FEN1: variants seen among roughly 807,000 people sequenced by gnomAD.
FEN1 encodes flap endonuclease 1.
FEN1 carries 19 observed loss-of-function variants against 24.7 expected under a neutral mutation model. The observed-to-expected ratio is 0.77, with a 90% CI of 0.54 to 1.13. The LOEUF (loss-of-function observed/expected upper bound fraction) is 1.13, where lower values mean the gene tolerates loss of function less well. Ranked by LOEUF, FEN1 falls within the 50% of genes most tolerant of loss-of-function variation. The probability of loss-of-function intolerance (pLI) is 0.00; values close to 1 mark genes in which losing one functional copy is unlikely to be tolerated. For synonymous variants in FEN1, 155 were observed against 189.2 expected (o/e 0.82, Z 1.48); for missense variants, 339 against 488.7 (o/e 0.69, Z 2.89).
At chr11:61,793,299 C>T (rs773851746) in intron 1 of FEN1, 1 of 152,664 alleles carries the variant, frequency 6.6e-6, no homozygotes, top group Non-Finnish European at 1.5e-5. Flanking sequence ...GTTTAGGCCC[C>T]TTTCCTGCCT....
Position 61,795,621 on chromosome 11 carries a change from G to A in FEN1, c.260G>A (p.Gly87Asp), listed in dbSNP as rs1447886863. The change falls in exon 2 of 2, where the codon GGC (glycine) becomes GAC (aspartate). Residue 87 changes from glycine to aspartate, a missense_variant. Gly to Asp is a moderately conservative substitution (Grantham distance 94, BLOSUM62 -1). Coordinates refer to ENST00000305885, the MANE Select transcript of FEN1 (RefSeq NM_004111.6). This position sits in a 1 kb window ranked among gnomAD's most constrained non-coding sequence, Gnocchi z 4.1. ...ATCAAGCCCGTGTATGTCTTTGATG[G>A]CAAGCCGCCACAGCTCAAGTCAGGC... ...NGIKPVYVFD[G>D]KPPQLKSGEL... The A allele has an allele frequency of 6.2e-7, 1 of 1,614,030 alleles. No homozygotes were observed. The highest frequency in any genetic ancestry group is 1.7e-5 in the Admixed American group (1 of 60,032).
In FEN1 at chr11:61,796,185, T is replaced by A. The variant is rs2066818432; in HGVS notation, c.824T>A (p.Leu275His). The A allele has an allele frequency of 1.9e-6, 3 of 1,613,754 alleles. No individual in the cohort carries two copies. The highest frequency in any genetic ancestry group is 1.8e-4 in the Middle Eastern group (1 of 5,684). The change falls in exon 2 of 2, where the codon CTC becomes CAC. Residue 275 changes from leucine to histidine, a missense_variant. Around this residue, in one of 3 missense-constraint regions of FEN1, gnomAD observed 70 missense variants for 64.9 expected, o/e 1.08. Coordinates refer to ENST00000305885, the MANE Select transcript of FEN1 (RefSeq NM_004111.6). ...PNKYPVPENWLHKEAHQLFLE... is the reference protein window; with the variant it reads ...PNKYPVPENWHHKEAHQLFLE... ...AAGTACCCTGTGCCAGAAAATTGGC[T>A]CCACAAGGAGGCTCACCAGCTCTTC... is the stretch of plus-strand genomic sequence containing the variant.
intron 1 of FEN1, among the ~76,000 whole-genome samples, chr11:61,793,679 G>C (rs2066804022): frequency 1.3e-5 from 2 of 152,168 alleles, no homozygotes; most frequent in Admixed American, 6.5e-5. Flanking sequence ...ATAATCCAGG[G>C]ATGGACCTGG....
At position 61,796,808 on chromosome 11, in the gene FEN1, G is replaced by C. The variant is rs1420389302; in HGVS notation, c.*304G>C. ...ATAGCAACAAGTTTTGGAGAAGAGA[G>C]AGGGAGATAAAAGGGGGAGACAAAA... On this transcript the variant is annotated 3_prime_UTR_variant, in exon 2 of 2. Transcript: ENST00000305885. 4 of 356,600 alleles carry C rather than the reference G, an allele frequency of 1.1e-5. No individual in the cohort carries two copies. The highest frequency in any genetic ancestry group is 6.4e-5 in the African/African-American group (3 of 46,804). 22.1% of individuals were successfully genotyped at this position (356,600 alleles called of 1,614,324 possible).
chr11:61,796,102 G>A lies in FEN1; in HGVS notation c.741G>A (p.Val247=). 1 of 1,614,214 alleles carries A rather than the reference G, an allele frequency of 6.2e-7. No homozygotes were observed. Among genetic ancestry groups the A allele is most frequent in the Non-Finnish European group, 8.5e-7 (1 of 1,180,040 alleles). ...GGGGTATTGGGCCCAAGCGGGCTGT[G>A]GACCTCATCCAGAAGCACAAGAGCA... is the stretch of plus-strand genomic sequence containing the variant. The part of the protein sequence containing the change: ...SIRGIGPKRA[V]DLIQKHKSIE... The change falls in exon 2 of 2, where the codon GTG becomes GTA. Residue 247 remains valine, a synonymous_variant. Transcript: ENST00000305885.
At chr11:61,794,861 A>G (rs1335873847) in intron 1 of FEN1, among the ~76,000 whole-genome samples, 3 of 152,222 alleles carry the variant, frequency 2.0e-5, no homozygotes, top group African/African-American at 7.2e-5. Context: ...CCATTCAGAT[A>G]TGTTTGCAAT....
intron 1 of FEN1, among the ~76,000 whole-genome samples, chr11:61,794,519 T>G (rs879403225): frequency 2.6e-4 from 40 of 152,158 alleles, no homozygotes; most frequent in Non-Finnish European, 5.1e-4. Flanking sequence ...TCCAGTTTAG[T>G]TTTTTAAAAA....
Position 61,796,497 on chromosome 11 carries a change from GA to G in FEN1, c.1140del (p.Lys380AsnfsTer21), listed in dbSNP as rs1307826248. ...GGGGCAGCAGGGAAGTTTAAAAGGG[GA>G]AAATAAATGTGTTTCCCCATTATAC... ...KTGAAGKFKR[G>X]K is the part of the protein sequence containing the mutation. On this transcript the variant is annotated frameshift_variant, in exon 2 of 2. Coordinates refer to ENST00000305885, the MANE Select transcript of FEN1 (RefSeq NM_004111.6). LOFTEE classifies it high-confidence loss of function. 1 of 1,604,478 alleles carries G rather than the reference GA, an allele frequency of 6.2e-7. No individual in the cohort carries two copies. Among genetic ancestry groups the G allele is most frequent in the Non-Finnish European group, 8.5e-7 (1 of 1,175,334 alleles).
rs975191564 is a variant in FEN1, at chr11:61,792,990, C to G, written c.-60C>G. On this transcript the variant is annotated 5_prime_UTR_variant, in exon 1 of 2. Coordinates refer to ENST00000305885, the MANE Select transcript of FEN1 (RefSeq NM_004111.6). Reference sequence around the variant, plus strand: ...CCGCCTGCCCGGGGCAACCCCGAACCAAGCTTTAGCCGCCGAGGCCGCGTG... The same window carrying G: ...CCGCCTGCCCGGGGCAACCCCGAACGAAGCTTTAGCCGCCGAGGCCGCGTG... 2 of 184,482 alleles carry G rather than the reference C, an allele frequency of 1.1e-5. No individual in the cohort carries two copies. Among genetic ancestry groups the G allele is most frequent in the African/African-American group, 4.8e-5 (2 of 41,960 alleles). 11.4% of individuals were successfully genotyped at this position (184,482 alleles called of 1,614,324 possible).
chr11:61,793,873 T>C (rs572536861), intron 1 of FEN1, among the ~76,000 whole-genome samples: 40 of 152,336 alleles, frequency 2.6e-4, no homozygotes, highest in African/African-American at 9.6e-4. Flanking sequence ...TGAACAGTCA[T>C]TGATGCTCTA....
In FEN1 at chr11:61,795,784, C is replaced by A. The variant is rs529767500; in HGVS notation, c.423C>A (p.Cys141Ter). The part of the protein sequence containing the change: ...VKVTKQHNDE[C>*]KHLLSLMGIP... Reference sequence around the variant, plus strand: ...TCACTAAGCAGCACAATGATGAGTGCAAACATCTGCTGAGCCTCATGGGCA... The same window carrying A: ...TCACTAAGCAGCACAATGATGAGTGAAAACATCTGCTGAGCCTCATGGGCA... The change falls in exon 2 of 2, where the codon TGC (cysteine) becomes TGA (stop). Residue 141 changes from cysteine to a stop codon, truncating the protein, a stop_gained. Coordinates refer to ENST00000305885, the MANE Select transcript of FEN1 (RefSeq NM_004111.6). LOFTEE classifies it high-confidence loss of function. The surrounding 1 kb of genome is among the most constrained non-coding windows in gnomAD (Gnocchi z 4.1). 3.7e-6 allele frequency: 6 copies of A among 1,613,994 alleles called. No homozygotes were observed. In the South Asian group the frequency reaches 6.6e-5, roughly 18 times the overall value.
chr11:61,796,027 G>T lies in FEN1; in HGVS notation c.666G>T (p.Gln222His). 6.2e-7 allele frequency: 1 copy of T among 1,614,236 alleles called. No homozygotes were observed. The highest frequency in any genetic ancestry group is 1.1e-5 in the South Asian group (1 of 91,086). ...ILQELGLNQE[Q>H]FVDLCILLGS... ...AGGAGCTGGGCCTGAACCAGGAACA[G>T]TTTGTGGATCTGTGCATCCTGCTAG... Residue 222 changes from glutamine to histidine, a missense_variant, in exon 2 of 2, where the codon CAG becomes CAT. Physicochemically the swap from Gln to His is conservative, Grantham distance 24. Coordinates refer to ENST00000305885, the MANE Select transcript of FEN1 (RefSeq NM_004111.6).
intron 1 of FEN1, among the ~76,000 whole-genome samples, chr11:61,793,551 C>A (rs571359328): frequency 1.9e-4 from 29 of 152,274 alleles, no homozygotes; most frequent in African/African-American, 6.3e-4. Flanking sequence ...TAATGTCACA[C>A]GGATGGTAAA....
Position 61,795,661 on chromosome 11 carries a change from C to T in FEN1, c.300C>T (p.Arg100=), listed in dbSNP as rs1456577976. 1 of 1,614,038 alleles carries T rather than the reference C, an allele frequency of 6.2e-7. No individual in the cohort carries two copies. Among genetic ancestry groups the T allele is most frequent in the East Asian group, 2.2e-5 (1 of 44,888 alleles). Residue 100 remains arginine (R), a synonymous_variant, in exon 2 of 2, where the codon CGC becomes CGT. Transcript: ENST00000305885. This position sits in a 1 kb window ranked among gnomAD's most constrained non-coding sequence, Gnocchi z 4.1. The part of the protein sequence containing the change: ...PQLKSGELAK[R]SERRAEAEKQ... Reference sequence around the variant, plus strand: ...TCAAGTCAGGCGAGCTGGCCAAACGCAGTGAGCGGCGGGCTGAGGCAGAGA... The same window carrying T: ...TCAAGTCAGGCGAGCTGGCCAAACGTAGTGAGCGGCGGGCTGAGGCAGAGA...
rs963706687 is a variant in FEN1 at position 61,795,202 on chromosome 11, T to A, written c.-21-139T>A. 4.3e-6 allele frequency: 3 copies of A among 696,780 alleles called. No homozygotes were observed. The highest frequency in any genetic ancestry group is 4.6e-6 in the Non-Finnish European group (2 of 439,296). The allele number at this position is 696,780 out of a possible 1,614,324, so 43.2% of individuals were successfully genotyped here. On this transcript the variant is annotated intron_variant, in intron 1 of 1. Transcript: ENST00000305885. The surrounding 1 kb of genome is among the most constrained non-coding windows in gnomAD (Gnocchi z 4.1). ...AGTTTTTTGAGAATGGGGACCTTGTTCATCTTTTTATCTTTAGCAGTGCTG... is the reference window on the plus strand; with the variant it reads ...AGTTTTTTGAGAATGGGGACCTTGTACATCTTTTTATCTTTAGCAGTGCTG...
In FEN1 at chr11:61,795,443, G is replaced by A. The variant is rs752884600; in HGVS notation, c.82G>A (p.Gly28Ser). ...GGAGAATGACATCAAGAGCTACTTT[G>A]GCCGTAAGGTGGCCATTGATGCCTC... ...IRENDIKSYF[G>S]RKVAIDASMS... Residue 28 changes from glycine to serine, a missense_variant, in exon 2 of 2, where the codon GGC (glycine) becomes AGC (serine). Physicochemically the swap from Gly to Ser is moderately conservative, Grantham distance 56. Around this residue, in one of 3 missense-constraint regions of FEN1, gnomAD observed 216 missense variants for 329.7 expected, o/e 0.66. Coordinates refer to ENST00000305885, the MANE Select transcript of FEN1 (RefSeq NM_004111.6). This position sits in a 1 kb window ranked among gnomAD's most constrained non-coding sequence, Gnocchi z 4.1. 7.4e-6 allele frequency: 12 copies of A among 1,614,180 alleles called. No individual in the cohort carries two copies. Among genetic ancestry groups the A allele is most frequent in the Non-Finnish European group, 2.5e-6 (3 of 1,180,034 alleles).
intron 1 of FEN1, among the ~76,000 whole-genome samples, chr11:61,794,668 A>C (rs1233571093): frequency 6.6e-6 from 1 of 152,234 alleles, no homozygotes; most frequent in East Asian, 1.9e-4. Flanking sequence ...ACAGCATGCC[A>C]GACCCCTAAA....
chr11:61,794,228 G>C (rs2066807191), intron 1 of FEN1, among the ~76,000 whole-genome samples: 1 of 152,188 alleles, frequency 6.6e-6, no homozygotes, highest in East Asian at 1.9e-4. Context: ...CTAGGCTGGA[G>C]TGCAGCGGCA....
At chr11:61,793,532 G>T (rs1044868824) in intron 1 of FEN1, among the ~76,000 whole-genome samples, 1 of 152,240 alleles carries the variant, frequency 6.6e-6, no homozygotes, top group Admixed American at 6.5e-5. Flanking sequence ...ATAAACCTCA[G>T]TGGCTTGGTA....
Sources: gnomAD v4.1 joint callset for allele counts (sites outside exome capture counted in the v4.1 genomes callset) on GRCh38, gnomAD v4.1.1 for gene constraint, gnomAD v4.1.1 regional missense constraint, Gnocchi (gnomAD v3.1) non-coding constraint, MANE v1.5 for transcripts, NCBI Gene and HGNC (gene_info 2026-07-23, HGNC 2026-07-21) for gene names.